THOC2: variants seen among roughly 807,000 people sequenced by gnomAD.
THOC2 encodes the protein THO complex subunit 2, also known as THO complex 2.
THOC2 carries 10 observed loss-of-function variants against 128.4 expected under a neutral mutation model. The observed-to-expected ratio is 0.08, with a 90% CI of 0.05 to 0.13. The LOEUF is 0.13. Among genes scored for constraint, THOC2 ranks in the 10% least tolerant of loss-of-function variants. THOC2 has a pLI of 1.00. For missense variants in THOC2, 535 were observed against 1,155.7 expected (o/e 0.46, Z 7.79); for synonymous variants, 393 against 396.9 (o/e 0.99, Z 0.12).
At chrX:123,723,151 C>T (rs1425485127) in intron 1 of THOC2, among the ~76,000 whole-genome samples, 2 of 110,418 alleles carry the variant, frequency 1.8e-5, no homozygotes, top group Admixed American at 1.9e-4. Flanking sequence ...CACCGCACTC[C>T]AAACTAGGCG....
intron 22 of THOC2, among the ~76,000 whole-genome samples, chrX:123,629,914 A>G (rs868115687): frequency 8.9e-5 from 10 of 112,010 alleles, no homozygotes; most frequent in South Asian, 7.5e-4. Flanking sequence ...AATATGAACT[A>G]GGTTAAAAGC....
rs772357558 is a variant in THOC2 at position 123,625,085 on chromosome X, TTTTTG to T, written c.3058-421_3058-417del. On this transcript the variant is annotated intron_variant, in intron 25 of 38. Coordinates refer to ENST00000245838, the MANE Select transcript of THOC2 (RefSeq NM_001081550.2). Reference sequence around the variant, plus strand: ...TGACATACTGGAACATACATTATGTTTTTTGTTTTGTTTTGTTTTGTTTTGAGACT... The same window carrying T: ...TGACATACTGGAACATACATTATGTTTTTTGTTTTGTTTTGTTTTGAGACT... Among the ~76,000 whole-genome samples the T allele has an allele frequency of 1.7e-4, 19 of 110,804 alleles. No homozygotes were observed. In the East Asian group the frequency reaches 4.8e-3, roughly 28 times the overall value.
chrX:123,714,958 T>C (rs1376671326), intron 1 of THOC2, among the ~76,000 whole-genome samples: 1 of 105,811 alleles, frequency 9.5e-6, no homozygotes, highest in Non-Finnish European at 1.9e-5. Flanking sequence ...AAAACATAAA[T>C]ACCAAAATTC....
At chrX:123,718,313 ATG>A (rs2051519655) in intron 1 of THOC2, among the ~76,000 whole-genome samples, 1 of 112,270 alleles carries the variant, frequency 8.9e-6, no homozygotes, top group Non-Finnish European at 1.9e-5. Flanking sequence ...AAAGACTTAA[ATG>A]TAAGACCTGA....
chrX:123,633,771 T>A (rs1156359169), intron 20 of THOC2, among the ~76,000 whole-genome samples, 182 bp downstream of exon 20: 2 of 112,197 alleles, frequency 1.8e-5, no homozygotes, highest in South Asian at 3.7e-4. Context: ...TCAGCTTTTT[T>A]AAAAAGTTAA....
At position 123,638,123 on chromosome X, in the gene THOC2, T is replaced by C; in HGVS notation, c.1841A>G (p.Tyr614Cys). The change falls in exon 18 of 39, where the codon TAT (tyrosine) becomes TGT (cysteine). Residue 614 changes from tyrosine (Y) to cysteine (C), a missense_variant and splice_region_variant. Tyr to Cys is a radical substitution (Grantham distance 194). This residue lies in a region of THOC2 where 197 missense variants were observed against 313.4 expected (regional missense o/e 0.63). Transcript: ENST00000245838. Reference sequence around the variant, plus strand: ...ATTAGCTAAAGCTTCAATGATACAATCTTTCATACATTAAGAAAAAACTAA... The same window carrying C: ...ATTAGCTAAAGCTTCAATGATACAACCTTTCATACATTAAGAAAAAACTAA... ...LTSLNYDVLAYCIIEALANPE... is the reference protein window; with the variant it reads ...LTSLNYDVLACCIIEALANPE... 8.7e-7 allele frequency: 1 copy of C among 1,145,109 alleles called. No homozygotes were observed. Among genetic ancestry groups the C allele is most frequent in the Non-Finnish European group, 1.2e-6 (1 of 842,876 alleles). The allele number at this position is 1,145,109 out of a possible 1,213,427, so 94.4% of individuals were successfully genotyped here.
intron 9 of THOC2, among the ~76,000 whole-genome samples, chrX:123,671,173 C>T (rs745816676): frequency 1.8e-5 from 2 of 111,432 alleles, no homozygotes; most frequent in Non-Finnish European, 3.8e-5. Flanking sequence ...ACGAATAACA[C>T]AAGAAAAATA....
chrX:123,632,208 T>C (rs1462778745), intron 21 of THOC2, among the ~76,000 whole-genome samples: 1 of 111,157 alleles, frequency 9.0e-6, no homozygotes, highest in Non-Finnish European at 1.9e-5. Flanking sequence ...TTATAAATAT[T>C]AAGTACCAAA....
intron 8 of THOC2, among the ~76,000 whole-genome samples, chrX:123,681,140 G>A (rs2049760384): frequency 8.9e-6 from 1 of 111,792 alleles, no homozygotes; most frequent in Admixed American, 9.6e-5. Flanking sequence ...AAAGCAAACA[G>A]CCTGAGTTAG....
At chrX:123,656,840 T>C (rs2048613547) in intron 12 of THOC2, among the ~76,000 whole-genome samples, 1 of 110,817 alleles carries the variant, frequency 9.0e-6, no homozygotes, top group South Asian at 3.8e-4. Flanking sequence ...TGAAACCTCA[T>C]CTCTACTAAA....
At chrX:123,618,200 T>G in intron 33 of THOC2, among the ~76,000 whole-genome samples, 1 of 111,873 alleles carries the variant, frequency 8.9e-6, no homozygotes, top group Non-Finnish European at 1.9e-5. Context: ...GTTGATGTTG[T>G]GTCTAATGTG....
chrX:123,732,761 G>C (rs865778383), intron 1 of THOC2, among the ~76,000 whole-genome samples, 191 bp downstream of exon 1: 1 of 111,488 alleles, frequency 9.0e-6, no homozygotes, highest in Non-Finnish European at 1.9e-5. Flanking sequence ...GGAGGCCAGG[G>C]AAGGAAGGAG....
intron 12 of THOC2, among the ~76,000 whole-genome samples, chrX:123,654,282 C>A (rs1603274902): frequency 9.1e-6 from 1 of 109,582 alleles, no homozygotes; most frequent in Non-Finnish European, 1.9e-5. Flanking sequence ...GGAGGGATAG[C>A]ATTAGGAGAA....
At chrX:123,622,350 ATTTG>A (rs757987917) in intron 30 of THOC2, among the ~76,000 whole-genome samples, 3 of 112,382 alleles carry the variant, frequency 2.7e-5, no homozygotes, top group Non-Finnish European at 5.6e-5. Flanking sequence ...ATCCTAAAAT[ATTTG>A]TTTAACTTCA....
At chrX:123,706,604 T>C (rs1484183074) in intron 3 of THOC2, among the ~76,000 whole-genome samples, 1 of 105,144 alleles carries the variant, frequency 9.5e-6, no homozygotes, top group Non-Finnish European at 1.9e-5. Flanking sequence ...TTTCCTACTT[T>C]ACCAACAACC....
chrX:123,600,608 T>C lies in THOC2; in HGVS notation c.*749A>G, dbSNP rs972854244. ...TGTTTATTTAGAAAAAAGGTTACAC[T>C]GGTAGAATTCGGCAGATAAAAAAAT... is the stretch of plus-strand genomic sequence containing the variant. On this transcript the variant is annotated 3_prime_UTR_variant, in exon 39 of 39. Transcript: ENST00000245838. The C allele has an allele frequency of 8.9e-6, 1 of 112,717 alleles. No homozygotes were observed. Among genetic ancestry groups the C allele is most frequent in the African/African-American group, 3.2e-5 (1 of 31,002 alleles). 9.3% of individuals were successfully genotyped at this position (112,717 alleles called of 1,213,427 possible).
chrX:123,667,059 C>T (rs780304157), intron 11 of THOC2, 47 bp downstream of exon 11: 3 of 948,185 alleles, frequency 3.2e-6, no homozygotes, highest in Admixed American at 3.0e-5. Flanking sequence ...TGTTGTAGTC[C>T]TAAGCTATTT....
At chrX:123,669,201 T>C (rs937423988) in intron 9 of THOC2, among the ~76,000 whole-genome samples, 5 of 110,344 alleles carry the variant, frequency 4.5e-5, no homozygotes, top group Admixed American at 9.7e-5. Context: ...AAAGTCACTA[T>C]GGACTGGTGC....
At chrX:123,668,372 A>T in intron 9 of THOC2, 58 bp from the exon 10 acceptor site, 1 of 814,242 alleles carries the variant, frequency 1.2e-6, no homozygotes, top group Non-Finnish European at 1.7e-6. Context: ...TTGTTCATAT[A>T]AAAAGGAAAC....
Sources: gnomAD v4.1 joint callset for allele counts (sites outside exome capture counted in the v4.1 genomes callset) on GRCh38, gnomAD v4.1.1 for gene constraint, gnomAD v4.1.1 regional missense constraint, MANE v1.5 for transcripts, NCBI Gene and HGNC (gene_info 2026-07-23, HGNC 2026-07-21) for gene names.